Variants in CD2AP observed in about 807,000 individuals in gnomAD.
The protein encoded by CD2AP is CD2-associated protein.
A neutral mutation model predicts 85.1 loss-of-function variants in CD2AP; 46 were observed. The observed-to-expected ratio is 0.54, with a 90% CI of 0.43 to 0.69. The LOEUF is 0.69. CD2AP is among the 30% of genes least tolerant of loss of function. The pLI is 0.00. For synonymous variants in CD2AP, 255 were observed against 252.9 expected (o/e 1.01, Z -0.08); for missense variants, 769 against 729.5 (o/e 1.05, Z -0.62).
intron 3 of CD2AP, among the ~76,000 whole-genome samples, chr6:47,541,950 T>A (rs1464369941): frequency 6.6e-6 from 1 of 152,350 alleles, no homozygotes; most frequent in East Asian, 1.9e-4. Context: ...TTTGTTGTCC[T>A]CTCTCCTTAG....
At chr6:47,492,347 CTTTTTTT>C (rs70999626) in intron 1 of CD2AP, among the ~76,000 whole-genome samples, 5 of 95,522 alleles carry the variant, frequency 5.2e-5, no homozygotes, top group African/African-American at 2.0e-4. Context: ...CACCTGTAAT[CTTTTTTT>C]TTTTTTTTTT....
At chr6:47,541,083 T>C (rs2114039032) in intron 3 of CD2AP, among the ~76,000 whole-genome samples, 1 of 152,330 alleles carries the variant, frequency 6.6e-6, no homozygotes, top group African/African-American at 2.4e-5. Flanking sequence ...CTGTGAACTC[T>C]AGGTTAGTTA....
chr6:47,589,447 CAAAT>C (rs1562046255), intron 11 of CD2AP, among the ~76,000 whole-genome samples: 2 of 145,004 alleles, frequency 1.4e-5, no homozygotes, highest in Admixed American at 6.9e-5. Flanking sequence ...TACACACACA[CAAAT>C]ATATATACAT....
intron 9 of CD2AP, chr6:47,579,789 T>C (rs1042590975): frequency 3.8e-6 from 1 of 263,246 alleles, no homozygotes; most frequent in African/African-American, 2.3e-5. Context: ...TGGAAGAAAT[T>C]GTATTTTTAT....
rs960518566 is a variant in CD2AP at position 47,625,443 on chromosome 6, C to T, written c.*1216C>T. ...TGAACATATTTAAAATACATTTTCA[C>T]AGAATGGATGAATTAGTTGTTTCTT... On this transcript the variant is annotated 3_prime_UTR_variant, in exon 18 of 18. Coordinates refer to ENST00000359314, the MANE Select transcript of CD2AP (RefSeq NM_012120.3). 6.6e-6 allele frequency: 1 copy of T among 151,856 alleles called. No individual in the cohort carries two copies. The highest frequency in any genetic ancestry group is 1.5e-5 in the Non-Finnish European group (1 of 67,800). 9.4% of individuals were successfully genotyped at this position (151,856 alleles called of 1,614,324 possible).
chr6:47,526,963 G>T (rs771144563), intron 2 of CD2AP, among the ~76,000 whole-genome samples: 4 of 152,048 alleles, frequency 2.6e-5, no homozygotes, highest in Non-Finnish European at 4.4e-5. Context: ...AGGTTGATGG[G>T]TGTTATTAAT....
At chr6:47,601,204 C>G (rs1769120541) in intron 13 of CD2AP, among the ~76,000 whole-genome samples, 2 of 151,762 alleles carry the variant, frequency 1.3e-5, no homozygotes, top group Non-Finnish European at 2.9e-5. Flanking sequence ...TTGGGGGACC[C>G]TATTTCTATC....
chr6:47,595,218 TG>T (rs1000742245), intron 11 of CD2AP, among the ~76,000 whole-genome samples: 2 of 151,992 alleles, frequency 1.3e-5, no homozygotes, highest in African/African-American at 2.4e-5. Context: ...TTGTCAAAAT[TG>T]TTTTTTTCCA....
chr6:47,482,066 A>T (rs901791630), intron 1 of CD2AP, among the ~76,000 whole-genome samples: 8 of 152,220 alleles, frequency 5.3e-5, no homozygotes, highest in Admixed American at 5.2e-4. Context: ...GCCTGGATAA[A>T]ATCTTGATTC....
chr6:47,589,071 A>G (rs1423723635), intron 11 of CD2AP, among the ~76,000 whole-genome samples: 11 of 152,072 alleles, frequency 7.2e-5, no homozygotes, highest in Non-Finnish European at 1.6e-4. Context: ...CATCTTGTTG[A>G]CTAATGAGAT....
chr6:47,555,390 G>A (rs1767654004), intron 5 of CD2AP, among the ~76,000 whole-genome samples: 1 of 151,920 alleles, frequency 6.6e-6, no homozygotes, highest in Admixed American at 6.6e-5. Flanking sequence ...ATTTACAAGT[G>A]GAAATGTAGG....
chr6:47,589,565 C>CACACACACATATATATATATATATAT (rs139814970), intron 11 of CD2AP, among the ~76,000 whole-genome samples: 21 of 120,990 alleles, frequency 1.7e-4, no homozygotes, highest in Non-Finnish European at 2.7e-4. Flanking sequence ...CACACACACA[C>CACACACACATATATATATATATATAT]ATATATATAT....
intron 1 of CD2AP, among the ~76,000 whole-genome samples, chr6:47,483,232 G>A (rs1765488117): frequency 6.6e-6 from 1 of 152,184 alleles, no homozygotes; most frequent in Non-Finnish European, 1.5e-5. Context: ...TTTCTAGATG[G>A]GGGAGGCGAC....
At chr6:47,565,873 T>G (rs1767979470) in intron 5 of CD2AP, among the ~76,000 whole-genome samples, 1 of 152,192 alleles carries the variant, frequency 6.6e-6, no homozygotes, top group African/African-American at 2.4e-5. Flanking sequence ...CCAGTAGCTT[T>G]GCATTTCACT....
intron 15 of CD2AP, among the ~76,000 whole-genome samples, chr6:47,608,813 A>G (rs1269979580): frequency 1.3e-5 from 2 of 152,220 alleles, no homozygotes. Context: ...TAATACCTTT[A>G]TAATGCTGTT....
intron 13 of CD2AP, among the ~76,000 whole-genome samples, chr6:47,602,829 G>T (rs1769176364): frequency 6.6e-6 from 1 of 151,910 alleles, no homozygotes; most frequent in African/African-American, 2.4e-5. Context: ...AAAGCTGAGA[G>T]TTGGAGGTTG....
rs541934033 is a variant in CD2AP at position 47,604,750 on chromosome 6, A to G, written c.1418-1415A>G. 1.2e-3 allele frequency among the ~76,000 whole-genome samples: 181 copies of G among 152,070 alleles called. 2 individuals carry two copies. The highest frequency in any genetic ancestry group is 4.2e-3 in the African/African-American group (173 of 41,510). On this transcript the variant is annotated intron_variant, in intron 13 of 17. Coordinates refer to ENST00000359314, the MANE Select transcript of CD2AP (RefSeq NM_012120.3). ...CAACCGCCTTCAGATTATATAATGCATTTTTCATTGTCATTTATTATTATG... is the reference window on the plus strand; with the variant it reads ...CAACCGCCTTCAGATTATATAATGCGTTTTTCATTGTCATTTATTATTATG...
intron 2 of CD2AP, among the ~76,000 whole-genome samples, chr6:47,512,679 A>G (rs990286598): frequency 6.6e-6 from 1 of 152,216 alleles, no homozygotes; most frequent in South Asian, 2.1e-4. Flanking sequence ...TGTACAGAAT[A>G]TTATCATTTT....
At chr6:47,488,737 A>AG (rs1431378118) in intron 1 of CD2AP, among the ~76,000 whole-genome samples, 18 of 151,122 alleles carry the variant, frequency 1.2e-4, no homozygotes, top group Non-Finnish European at 2.2e-4. Flanking sequence ...AAAAAAAAAA[A>AG]AGAGATAGCC....
Sources: allele counts gnomAD v4.1 joint callset (sites outside exome capture counted in the v4.1 genomes callset), GRCh38; gene constraint gnomAD v4.1.1; transcripts MANE v1.5; gene names NCBI Gene and HGNC (gene_info 2026-07-23, HGNC 2026-07-21).